The following TLN2 variants were observed in gnomAD, a reference collection of about 807,000 sequenced individuals.
TLN2 encodes talin 2.
In TLN2, 118 loss-of-function variants were observed where a neutral mutation model predicts 294.7. The ratio of observed to expected loss-of-function variants is 0.40; its 90% CI spans 0.34 to 0.47. The LOEUF (loss-of-function observed/expected upper bound fraction) is 0.47. Among genes scored for constraint, TLN2 ranks in the 20% least tolerant of loss-of-function variants. The pLI is 0.84. For missense variants in TLN2, 3,083 were observed against 3,282.2 expected (o/e 0.94, Z 1.48); for synonymous variants, 1,431 against 1,304.5 (o/e 1.10, Z -2.09).
chr15:62,620,204 C>G (rs188742494), intron 3 of TLN2, among the ~76,000 whole-genome samples: 1 of 152,042 alleles, frequency 6.6e-6, no homozygotes, highest in African/African-American at 2.4e-5. Flanking sequence ...TAATCTCAAA[C>G]CCCTGGCCTC....
Position 62,800,655 on chromosome 15 carries a change from G to A in TLN2, c.6363G>A (p.Val2121=). The A allele has an allele frequency of 6.2e-7, 1 of 1,614,138 alleles. No individual in the cohort carries two copies. The highest frequency in any genetic ancestry group is 1.1e-5 in the South Asian group (1 of 91,060). The part of the protein sequence containing the change: ...SMYQLKGAAK[V]MVTNVTSLLK... ...ATTCATTCTCCCTTCCTATGCAGGT[G>A]ATGGTGACCAATGTCACCTCGCTCC... is the stretch of plus-strand genomic sequence containing the variant. The change falls in exon 50 of 59, where the codon GTG becomes GTA. Residue 2121 remains valine, a splice_region_variant and synonymous_variant. Coordinates refer to ENST00000636159, the MANE Select transcript of TLN2 (RefSeq NM_015059.3).
intron 1 of TLN2, among the ~76,000 whole-genome samples, chr15:62,531,953 C>T (rs1409661231): frequency 6.6e-6 from 1 of 152,194 alleles, no homozygotes; most frequent in African/African-American, 2.4e-5. Context: ...GTGGGTGTCC[C>T]CCAAGTGGTG....
intron 1 of TLN2, among the ~76,000 whole-genome samples, chr15:62,431,643 C>G (rs2035017459): frequency 1.3e-5 from 2 of 152,144 alleles, no homozygotes; most frequent in South Asian, 4.1e-4. Flanking sequence ...AGTTTGGATG[C>G]TGAAAGAATC....
At chr15:62,714,753 T>G (rs1277037673) in intron 22 of TLN2, among the ~76,000 whole-genome samples, 2 of 152,200 alleles carry the variant, frequency 1.3e-5, no homozygotes, top group African/African-American at 4.8e-5. Flanking sequence ...AAGGATTATA[T>G]TTAATGTGCA....
intron 1 of TLN2, among the ~76,000 whole-genome samples, chr15:62,447,388 A>G (rs2035879231): frequency 6.6e-6 from 1 of 151,868 alleles, no homozygotes; most frequent in African/African-American, 2.4e-5. Context: ...CATGTGGCTG[A>G]GCTGTGAGAC....
In TLN2 at chr15:62,424,575, A is replaced by C. The variant is rs149461592; in HGVS notation, c.-238+33890A>C. ...CATTAGGCTCACCTGGGAGCTTTTA[A>C]TCCACACCAGGGCCTAGCCCCATCG... On this transcript the variant is annotated intron_variant, in intron 1 of 58. Coordinates refer to ENST00000636159, the MANE Select transcript of TLN2 (RefSeq NM_015059.3). Among the ~76,000 whole-genome samples, 16 of 152,250 alleles carry C rather than the reference A, an allele frequency of 1.1e-4. No individual in the cohort carries two copies. In the East Asian group the frequency reaches 2.3e-3, roughly 22 times the overall value.
In TLN2 at chr15:62,522,941, TACACACACACACAC is replaced by T. The variant is rs71129007; in HGVS notation, c.-237-66721_-237-66708del. On this transcript the variant is annotated intron_variant, in intron 1 of 58. Transcript: ENST00000636159. ...TGAGTGGTCTGCCCTGAATGTGGCT[TACACACACACACAC>T]ACACACACACACACACACACACACT... 7.4e-4 allele frequency among the ~76,000 whole-genome samples: 99 copies of T among 133,168 alleles called. 1 individual carries two copies. Among genetic ancestry groups the T allele is most frequent in the African/African-American group, 2.4e-3 (78 of 31,950 alleles). 87.4% of individuals were successfully genotyped at this position (133,168 alleles called of 152,430 possible). A position where few individuals can be genotyped will look rare whatever the true frequency, so the allele number is the denominator to read the frequency against.
At chr15:62,439,347 C>T (rs8038196) in intron 1 of TLN2, among the ~76,000 whole-genome samples, 1 of 152,102 alleles carries the variant, frequency 6.6e-6, no homozygotes, top group South Asian at 2.1e-4. Context: ...GAGTCTTGCT[C>T]TGTTGCCCAG....
At chr15:62,776,995 A>G in intron 43 of TLN2, 85 bp downstream of exon 43, 1 of 1,253,322 alleles carries the variant, frequency 8.0e-7, no homozygotes, top group Non-Finnish European at 1.0e-6. Context: ...GTCAAGGCTC[A>G]TAGCAACAAG....
At chr15:62,409,447 A>G in intron 1 of TLN2, among the ~76,000 whole-genome samples, 1 of 152,168 alleles carries the variant, frequency 6.6e-6, no homozygotes, top group East Asian at 1.9e-4. Context: ...GCAGGGTCTC[A>G]TTCTGCAACA....
intron 47 of TLN2, among the ~76,000 whole-genome samples, chr15:62,796,554 A>G (rs72757750): frequency 3.4e-3 from 522 of 152,266 alleles, no homozygotes; most frequent in Non-Finnish European, 6.2e-3. Context: ...GACCTGCCAC[A>G]CGCTGAGCCA....
chr15:62,436,124 A>G (rs1425386147), intron 1 of TLN2, among the ~76,000 whole-genome samples: 2 of 152,190 alleles, frequency 1.3e-5, no homozygotes. Flanking sequence ...ATGTCCTGCT[A>G]ACCTCCTGTT....
At chr15:62,505,820 C>T (rs865913078) in intron 1 of TLN2, among the ~76,000 whole-genome samples, 1 of 152,124 alleles carries the variant, frequency 6.6e-6, no homozygotes, top group Non-Finnish European at 1.5e-5. Flanking sequence ...CCTTGTCTGC[C>T]TCTATGATGG....
chr15:62,741,765 G>GTC (rs1156292935), intron 32 of TLN2, among the ~76,000 whole-genome samples: 1 of 151,744 alleles, frequency 6.6e-6, no homozygotes, highest in African/African-American at 2.4e-5. Context: ...GTGTGTGTGT[G>GTC]TGTCTTTATG....
intron 1 of TLN2, among the ~76,000 whole-genome samples, chr15:62,558,262 C>T (rs778888473): frequency 6.6e-6 from 1 of 152,150 alleles, no homozygotes; most frequent in Non-Finnish European, 1.5e-5. Flanking sequence ...ACTTTGTCAT[C>T]CATCTGATGT....
At chr15:62,606,266 A>G (rs1325836940) in intron 2 of TLN2, among the ~76,000 whole-genome samples, 3 of 89,640 alleles carry the variant, frequency 3.3e-5, no homozygotes, top group South Asian at 8.6e-4. Flanking sequence ...TTTTTTTTGT[A>G]TTTTTAGTAG....
intron 45 of TLN2, among the ~76,000 whole-genome samples, chr15:62,789,647 C>G (rs765854021): frequency 9.2e-5 from 14 of 152,152 alleles, no homozygotes; most frequent in Non-Finnish European, 2.1e-4. Flanking sequence ...CTCCCACTCT[C>G]AAGGGGATTT....
chr15:62,789,724 G>A (rs1394036349), intron 45 of TLN2, among the ~76,000 whole-genome samples: 2 of 152,314 alleles, frequency 1.3e-5, no homozygotes, highest in East Asian at 1.9e-4. Context: ...GACTCTGCAC[G>A]GGAGCAGGAG....
At chr15:62,434,410 C>G (rs561308584) in intron 1 of TLN2, among the ~76,000 whole-genome samples, 32 of 152,292 alleles carry the variant, frequency 2.1e-4, no homozygotes, top group Admixed American at 4.6e-4. Flanking sequence ...TCCATTTCGT[C>G]TTTTAACTGG....
Sources: gnomAD v4.1 joint callset for allele counts (sites outside exome capture counted in the v4.1 genomes callset) on GRCh38, gnomAD v4.1.1 for gene constraint, MANE v1.5 for transcripts, NCBI Gene and HGNC (gene_info 2026-07-23, HGNC 2026-07-21) for gene names.